The following BMS1 variants were observed in gnomAD, a reference collection of about 807,000 sequenced individuals.
BMS1 encodes ribosome biogenesis protein BMS1 homolog.
A neutral mutation model predicts 138.7 loss-of-function variants in BMS1; 53 were observed. The observed-to-expected ratio is 0.38, with a 90% confidence interval of 0.31 to 0.48. The LOEUF (loss-of-function observed/expected upper bound fraction) is 0.48, where lower values mean the gene tolerates loss of function less well. Ranked by LOEUF, BMS1 falls within the 20% of genes least tolerant of loss-of-function variation. The pLI is 0.97. For synonymous variants in BMS1, 504 were observed against 539.9 expected (o/e 0.93, Z 0.92); for missense variants, 1,360 against 1,565.5 (o/e 0.87, Z 2.22).
intron 5 of BMS1, among the ~76,000 whole-genome samples, chr10:42,790,785 G>T (rs1841481397): frequency 6.6e-6 from 1 of 152,098 alleles, no homozygotes. Context: ...AGGAGGCAGA[G>T]GGTGCAGTGA....
intron 3 of BMS1, 139 bp downstream of exon 3, chr10:42,785,811 G>A: frequency 1.1e-6 from 1 of 940,704 alleles, no homozygotes; most frequent in Non-Finnish European, 1.6e-6. Flanking sequence ...GTATTACTAA[G>A]TTGGCTATAG....
At chr10:42,810,455 T>C (rs1167130773) in intron 13 of BMS1, among the ~76,000 whole-genome samples, 4 of 152,168 alleles carry the variant, frequency 2.6e-5, no homozygotes, top group Non-Finnish European at 5.9e-5. Flanking sequence ...TTTGTTTTGT[T>C]TTTTCTTTTT....
intron 13 of BMS1, among the ~76,000 whole-genome samples, chr10:42,808,588 C>T (rs1440756417): frequency 1.3e-5 from 2 of 152,024 alleles, no homozygotes; most frequent in African/African-American, 4.8e-5. Flanking sequence ...CGTGAGCCAC[C>T]GTGTCGGGCC....
rs778480266 is a variant in BMS1, at chr10:42,796,532, A to G, written c.1288A>G (p.Lys430Glu). The change falls in exon 10 of 23, where the codon AAA (lysine) becomes GAA (glutamate). Residue 430 changes from lysine to glutamate, a missense_variant. Around this residue, in one of 3 missense-constraint regions of BMS1, gnomAD observed 697 missense variants for 686.2 expected, o/e 1.02. Coordinates refer to ENST00000374518, the MANE Select transcript of BMS1 (RefSeq NM_014753.4). The stretch of plus-strand genomic sequence containing the variant: ...CTTGAACACTGGTCGAATGCGTCGG[A>G]AAGCCATTTTCGGAGATGAAGATGA... ...MDLNTGRMRR[K>E]AIFGDEDESG... The G allele has an allele frequency of 5.6e-6, 9 of 1,614,244 alleles. No homozygotes were observed. The East Asian group carries it at 2.0e-4, about 36-fold the overall frequency.
At chr10:42,793,262 T>C in intron 8 of BMS1, 118 bp downstream of exon 8, 1 of 1,049,162 alleles carries the variant, frequency 9.5e-7, no homozygotes, top group Admixed American at 2.7e-5. Flanking sequence ...CTCTTGTACT[T>C]ATAATAAAGG....
chr10:42,791,913 A>G (rs1841518311), intron 6 of BMS1, 144 bp downstream of exon 6: 5 of 1,062,208 alleles, frequency 4.7e-6, no homozygotes, highest in Non-Finnish European at 6.6e-6. Flanking sequence ...GTCTACTTAT[A>G]TCATTGCTCA....
intron 21 of BMS1, among the ~76,000 whole-genome samples, chr10:42,826,609 A>G (rs113798528): frequency 2.0e-5 from 3 of 152,314 alleles, no homozygotes; most frequent in African/African-American, 7.2e-5. Context: ...CAGATTCTCC[A>G]GGGCTAGTCC....
In BMS1 at chr10:42,831,976, T is replaced by TA. The variant is rs1322743123; in HGVS notation, c.*881dup. On this transcript the variant is annotated 3_prime_UTR_variant, in exon 23 of 23. Coordinates refer to ENST00000374518, the MANE Select transcript of BMS1 (RefSeq NM_014753.4). Reference sequence around the variant, plus strand: ...TACGATGTAATCATAGATTCACATATAGTTGTATATTTTGCCCAATTTCTC... The same window carrying TA: ...TACGATGTAATCATAGATTCACATATAAGTTGTATATTTTGCCCAATTTCTC... 6.6e-6 allele frequency: 1 copy of TA among 152,200 alleles called. No homozygotes were observed. The highest frequency in any genetic ancestry group is 1.5e-5 in the Non-Finnish European group (1 of 68,040). 9.4% of individuals were successfully genotyped at this position (152,200 alleles called of 1,614,324 possible).
Position 42,820,811 on chromosome 10 carries a change from G to A in BMS1, c.2950+123G>A, listed in dbSNP as rs956398294. On this transcript the variant is annotated intron_variant, in intron 17 of 22. Transcript: ENST00000374518. Reference sequence around the variant, plus strand: ...TAAGATTTTTCTCTTTTCTGGGAGCGGGGAGGTGGTTTGGAGTATATATGT... The same window carrying A: ...TAAGATTTTTCTCTTTTCTGGGAGCAGGGAGGTGGTTTGGAGTATATATGT... The A allele has an allele frequency of 2.9e-5, 38 of 1,322,784 alleles. No homozygotes were observed. The highest frequency in any genetic ancestry group is 1.3e-4 in the African/African-American group (9 of 67,488). 81.9% of individuals were successfully genotyped at this position (1,322,784 alleles called of 1,614,324 possible).
chr10:42,803,261 C>T (rs971206349), intron 13 of BMS1, among the ~76,000 whole-genome samples: 1 of 152,160 alleles, frequency 6.6e-6, no homozygotes, highest in African/African-American at 2.4e-5. Flanking sequence ...GCCTCAGCCT[C>T]CTGAGTAGCT....
Position 42,790,370 on chromosome 10 carries a change from T to G in BMS1, c.495T>G (p.Phe165Leu). The G allele has an allele frequency of 6.2e-7, 1 of 1,613,920 alleles. No homozygotes were observed. Residue 165 changes from phenylalanine to leucine, a missense_variant, in exon 5 of 23, where the codon TTT becomes TTG. By Grantham distance (22) the Phe-to-Leu change is conservative. This residue lies in a region of BMS1 where 238 missense variants were observed against 311.1 expected (regional missense o/e 0.77). Coordinates refer to ENST00000374518, the MANE Select transcript of BMS1 (RefSeq NM_014753.4). ...DASFGFEMET[F>L]EFLNICQVHG... is the part of the protein sequence containing the mutation. Reference sequence around the variant, plus strand: ...GCTTTGGGTTTGAAATGGAAACGTTTGAGTTTCTAAACATCTGTCAAGTAC... The same window carrying G: ...GCTTTGGGTTTGAAATGGAAACGTTGGAGTTTCTAAACATCTGTCAAGTAC...
chr10:42,812,270 T>C (rs1250226128), intron 13 of BMS1, among the ~76,000 whole-genome samples: 1 of 152,226 alleles, frequency 6.6e-6, no homozygotes, highest in East Asian at 1.9e-4. Flanking sequence ...CTTAACCTCC[T>C]GAATAGCTGG....
intron 9 of BMS1, 96 bp downstream of exon 9, chr10:42,794,087 C>T: frequency 2.2e-6 from 3 of 1,386,214 alleles, no homozygotes; most frequent in Middle Eastern, 5.1e-4. Context: ...CGGTGGGATT[C>T]ATTCTATGTT....
At chr10:42,790,012 T>C (rs546198949) in intron 4 of BMS1, among the ~76,000 whole-genome samples, 1 of 152,298 alleles carries the variant, frequency 6.6e-6, no homozygotes, top group Non-Finnish European at 1.5e-5. Flanking sequence ...CAGAGGGTGG[T>C]GGTTTCTCTG....
At chr10:42,803,365 C>G (rs187487185) in intron 13 of BMS1, among the ~76,000 whole-genome samples, 18 of 152,206 alleles carry the variant, frequency 1.2e-4, no homozygotes, top group Admixed American at 5.2e-4. Flanking sequence ...CCTTGAATTC[C>G]TGGGCTTAAG....
chr10:42,797,381 C>T (rs921284592), intron 10 of BMS1, 41 bp from the exon 11 acceptor site: 1 of 1,606,324 alleles, frequency 6.2e-7, no homozygotes, highest in Non-Finnish European at 8.5e-7. Flanking sequence ...AGGGGAGACA[C>T]ATGAATAAGC....
At chr10:42,818,641 G>A (rs1842417537) in intron 15 of BMS1, among the ~76,000 whole-genome samples, 1 of 152,316 alleles carries the variant, frequency 6.6e-6, no homozygotes, top group African/African-American at 2.4e-5. Flanking sequence ...TGCAGTTTTG[G>A]GAAGATGATG....
rs991063444 is a variant in BMS1 at position 42,832,398 on chromosome 10, C to T, written c.*1302C>T. 2 of 144,942 alleles carry T rather than the reference C, an allele frequency of 1.4e-5. No homozygotes were observed. Among genetic ancestry groups the T allele is most frequent in the African/African-American group, 5.2e-5 (2 of 38,488 alleles). 9.0% of individuals were successfully genotyped at this position (144,942 alleles called of 1,614,324 possible). A position where few individuals can be genotyped will look rare whatever the true frequency, so the allele number is the denominator to read the frequency against. On this transcript the variant is annotated 3_prime_UTR_variant, in exon 23 of 23. Coordinates refer to ENST00000374518, the MANE Select transcript of BMS1 (RefSeq NM_014753.4). ...CATGATAGCACCACTGCACTCCAGC[C>T]TGGGCGACAGGGCAAGACCCTGTTT... is the stretch of plus-strand genomic sequence containing the variant.
At chr10:42,797,255 C>T (rs1841718899) in intron 10 of BMS1, 24 bp downstream of exon 10, 6 of 1,587,458 alleles carry the variant, frequency 3.8e-6, no homozygotes, top group Non-Finnish European at 5.1e-6. Flanking sequence ...TAGTTGGTTG[C>T]TGCTATGAAC....
Sources: gnomAD v4.1 joint callset for allele counts (sites outside exome capture counted in the v4.1 genomes callset) on GRCh38, gnomAD v4.1.1 for gene constraint, gnomAD v4.1.1 regional missense constraint, MANE v1.5 for transcripts, NCBI Gene and HGNC (gene_info 2026-07-23, HGNC 2026-07-21) for gene names.